The following POU6F1 variants were observed in gnomAD, a reference collection of about 807,000 sequenced individuals.
The protein encoded by POU6F1 is POU domain, class 6, transcription factor 1.
A neutral mutation model predicts 28.9 loss-of-function variants in POU6F1; 9 were observed. The observed-to-expected ratio is 0.31, with a 90% confidence interval of 0.19 to 0.54. The LOEUF (loss-of-function observed/expected upper bound fraction) is 0.54, where lower values mean the gene tolerates loss of function less well. Ranked by LOEUF, POU6F1 falls within the 20% of genes least tolerant of loss-of-function variation. The pLI is 0.94. For synonymous variants in POU6F1, 173 were observed against 171.1 expected (o/e 1.01, Z -0.09); for missense variants, 338 against 426.1 (o/e 0.79, Z 1.82).
chr12:51,190,042 C>A lies in POU6F1; in HGVS notation c.*205G>T, dbSNP rs764378971. ...TGACCAGCCCAGAGCCTGGAGCTCTCGTGTGGCCCCCTCTGGCCTCCCCAT... is the reference window on the plus strand; with the variant it reads ...TGACCAGCCCAGAGCCTGGAGCTCTAGTGTGGCCCCCTCTGGCCTCCCCAT... On this transcript the variant is annotated 3_prime_UTR_variant, in exon 11 of 11. Transcript: ENST00000333640. The surrounding 1 kb of genome is among the most constrained non-coding windows in gnomAD (Gnocchi z 4.5). The A allele has an allele frequency of 5.4e-6, 5 of 925,490 alleles. No individual in the cohort carries two copies. In the Middle Eastern group the frequency reaches 1.1e-3, roughly 195 times the overall value. 57.3% of individuals were successfully genotyped at this position (925,490 alleles called of 1,614,324 possible).
At chr12:51,194,640 CAAA>C (rs1166055503) in intron 8 of POU6F1, among the ~76,000 whole-genome samples, 14 of 77,102 alleles carry the variant, frequency 1.8e-4, no homozygotes, top group Admixed American at 2.8e-4. Context: ...ACCCTGGTCT[CAAA>C]AAAAAAAAAA....
intron 8 of POU6F1, 91 bp downstream of exon 8, chr12:51,195,879 A>G (rs1942780822): frequency 5.8e-6 from 8 of 1,372,986 alleles, no homozygotes; most frequent in Non-Finnish European, 7.8e-6. Flanking sequence ...GGAGTTTCAG[A>G]AGATGCTGTC....
chr12:51,200,177 A>G (rs1459955669), intron 3 of POU6F1, among the ~76,000 whole-genome samples: 1 of 152,108 alleles, frequency 6.6e-6, no homozygotes, highest in Non-Finnish European at 1.5e-5. Context: ...CTGGCCCTGT[A>G]AGGACTGTCA....
intron 8 of POU6F1, among the ~76,000 whole-genome samples, chr12:51,193,791 A>G (rs1942613305): frequency 6.6e-6 from 1 of 152,172 alleles, no homozygotes; most frequent in African/African-American, 2.4e-5. Context: ...CCTATTTGTA[A>G]TCAGAAGAAA....
chr12:51,207,141 A>C (rs1182628903), intron 1 of POU6F1: 1 of 207,116 alleles, frequency 4.8e-6, no homozygotes, highest in Non-Finnish European at 9.6e-6. Context: ...CTCCTGCCTC[A>C]GCCACTCGAG....
intron 1 of POU6F1, among the ~76,000 whole-genome samples, chr12:51,213,678 C>A (rs914156565): frequency 6.6e-6 from 1 of 151,918 alleles, no homozygotes; most frequent in South Asian, 2.1e-4. Context: ...GGACTACAGG[C>A]GCCCACCACC....
intron 3 of POU6F1, chr12:51,202,140 C>G (rs921230074): frequency 1.3e-5 from 2 of 152,106 alleles, no homozygotes; most frequent in Non-Finnish European, 1.5e-5. Flanking sequence ...GGATTACAGT[C>G]GTGAGCCACC....
rs1405518084 is a variant in POU6F1, at chr12:51,196,894, T to C, written c.880A>G (p.Ile294Val). The change falls in exon 7 of 11, where the codon ATC becomes GTC. Residue 294 changes from isoleucine (I) to valine (V), a missense_variant. This residue lies in a region of POU6F1 where 206 missense variants were observed against 225.6 expected (regional missense o/e 0.91). Coordinates refer to ENST00000333640, the MANE Select transcript of POU6F1 (RefSeq NM_001330422.2). Reference sequence around the variant, plus strand: ...GGAGCTGTAGTGAGGGACCCCAGGATCTGGGTCTGTCCCCCGAGGGAAGCA... The same window carrying C: ...GGAGCTGTAGTGAGGGACCCCAGGACCTGGGTCTGTCCCCCGAGGGAAGCA... ...SAASLGGQTQ[I>V]LGSLTTAPVI... The C allele has an allele frequency of 1.2e-6, 2 of 1,609,974 alleles. No individual in the cohort carries two copies. The highest frequency in any genetic ancestry group is 1.3e-5 in the African/African-American group (1 of 74,834).
At chr12:51,191,834 G>A (rs894081483) in intron 9 of POU6F1, 70 bp from the exon 10 acceptor site, 12 of 1,575,078 alleles carry the variant, frequency 7.6e-6, no homozygotes, top group Non-Finnish European at 1.0e-5. Flanking sequence ...TGGCTCATTG[G>A]TCTGAACTGA....
At chr12:51,213,596 T>C (rs1026550265) in intron 1 of POU6F1, among the ~76,000 whole-genome samples, 1 of 151,708 alleles carries the variant, frequency 6.6e-6, no homozygotes, top group Non-Finnish European at 1.5e-5. Flanking sequence ...TGCAGTGGCA[T>C]GATCTCGGCT....
chr12:51,191,846 G>A (rs117145981), intron 9 of POU6F1, 82 bp from the exon 10 acceptor site: 21,318 of 1,530,700 alleles, frequency 0.014, 203 homozygotes, highest in Non-Finnish European at 0.017. Flanking sequence ...CTGAACTGAC[G>A]CAGTAGTGAG....
At chr12:51,214,354 T>C (rs912569245) in intron 1 of POU6F1, among the ~76,000 whole-genome samples, 1 of 152,102 alleles carries the variant, frequency 6.6e-6, no homozygotes, top group African/African-American at 2.4e-5. Flanking sequence ...GGAGAGTCAG[T>C]GGCAGATTCA....
Position 51,191,673 on chromosome 12 carries a change from C to A in POU6F1, c.1413G>T (p.Leu471=). 1 of 1,614,194 alleles carries A rather than the reference C, an allele frequency of 6.2e-7. No individual in the cohort carries two copies. The part of the protein sequence containing the change: ...AKNFKIRRLS[L]GLTQTQVGQA... ...GACCCACCTGGGTCTGTGTAAGGCC[C>A]AGCGAGAGCCGCCGGATCTTAAAGT... Residue 471 remains leucine (L), a synonymous_variant, in exon 10 of 11, where the codon CTG becomes CTT. Coordinates refer to ENST00000333640, the MANE Select transcript of POU6F1 (RefSeq NM_001330422.2).
At chr12:51,194,873 G>T (rs1002223807) in intron 8 of POU6F1, among the ~76,000 whole-genome samples, 1 of 152,124 alleles carries the variant, frequency 6.6e-6, no homozygotes, top group Non-Finnish European at 1.5e-5. Context: ...AAGCTAAGAG[G>T]TTATTTACAA....
chr12:51,207,014 TAAA>T (rs201377013), intron 1 of POU6F1, 131 bp from the exon 2 acceptor site: 1,496 of 332,012 alleles, frequency 4.5e-3, no homozygotes, highest in East Asian at 8.8e-3. Flanking sequence ...CTGTAGAGGT[TAAA>T]AAAAAAAAAA....
Position 51,190,048 on chromosome 12 carries a change from G to T in POU6F1, c.*199C>A. ...GCCCAGAGCCTGGAGCTCTCGTGTG[G>T]CCCCCTCTGGCCTCCCCATGATGTG... On this transcript the variant is annotated 3_prime_UTR_variant, in exon 11 of 11. Transcript: ENST00000333640. This position sits in a 1 kb window ranked among gnomAD's most constrained non-coding sequence, Gnocchi z 4.5. 4 of 988,046 alleles carry T rather than the reference G, an allele frequency of 4.0e-6. No individual in the cohort carries two copies. The highest frequency in any genetic ancestry group is 4.3e-6 in the Non-Finnish European group (3 of 696,956). The allele number at this position is 988,046 out of a possible 1,614,324, so 61.2% of individuals were successfully genotyped here.
Position 51,196,117 on chromosome 12 carries a change from T to C in POU6F1, c.1032A>G (p.Pro344=), listed in dbSNP as rs1942805404. The C allele has an allele frequency of 6.3e-7, 1 of 1,586,938 alleles. No homozygotes were observed. The highest frequency in any genetic ancestry group is 8.6e-7 in the Non-Finnish European group (1 of 1,167,682). The part of the protein sequence containing the change: ...VNSASVAAPA[P]AQSLQVQAVT... ...CGGCCTGGACCTGCAGGCTTTGGGC[T>C]GGTGCTGGGGCCGCCACACTAGCTG... is the stretch of plus-strand genomic sequence containing the variant. Residue 344 remains proline (P), a synonymous_variant, in exon 8 of 11, where the codon CCA becomes CCG. Transcript: ENST00000333640.
intron 1 of POU6F1, among the ~76,000 whole-genome samples, chr12:51,208,692 A>AT (rs1299139539): frequency 9.2e-5 from 14 of 152,308 alleles, no homozygotes; most frequent in African/African-American, 3.1e-4. Context: ...CATGCCTGTA[A>AT]TCCCAGGACT....
chr12:51,208,088 C>A (rs1943743497), intron 1 of POU6F1, among the ~76,000 whole-genome samples: 1 of 137,806 alleles, frequency 7.3e-6, no homozygotes, highest in African/African-American at 2.7e-5. Flanking sequence ...GCTTGGGCAA[C>A]ATAGTGAGGC....
Sources: gnomAD v4.1 joint callset for allele counts (sites outside exome capture counted in the v4.1 genomes callset) on GRCh38, gnomAD v4.1.1 for gene constraint, gnomAD v4.1.1 regional missense constraint, Gnocchi (gnomAD v3.1) non-coding constraint, MANE v1.5 for transcripts, NCBI Gene and HGNC (gene_info 2026-07-23, HGNC 2026-07-21) for gene names.